The following BTBD7 variants were observed in gnomAD, a reference collection of about 807,000 sequenced individuals.
BTBD7 encodes BTB/POZ domain-containing protein 7.
A neutral mutation model predicts 99.9 loss-of-function variants in BTBD7; 38 were observed. The ratio of observed to expected loss-of-function variants is 0.38; its 90% CI spans 0.29 to 0.50. The LOEUF (loss-of-function observed/expected upper bound fraction) is 0.50. Among genes scored for constraint, BTBD7 ranks in the 20% least tolerant of loss-of-function variants. The probability of loss-of-function intolerance (pLI) is 0.93; values close to 1 mark genes in which losing one functional copy is unlikely to be tolerated. For synonymous variants in BTBD7, 520 were observed against 511.4 expected, an observed-to-expected ratio of 1.02 and a Z score of -0.23; for missense variants, 1,170 against 1,394.6, an observed-to-expected ratio of 0.84 and a Z score of 2.57.
intron 3 of BTBD7, among the ~76,000 whole-genome samples, chr14:93,290,987 GTTTTTTT>G (rs34246296): frequency 5.2e-5 from 4 of 76,776 alleles, no homozygotes; most frequent in Non-Finnish European, 7.2e-5. Flanking sequence ...GCTAGGCCTA[GTTTTTTT>G]TTTTTTTTTT....
intron 3 of BTBD7, among the ~76,000 whole-genome samples, chr14:93,266,657 G>A (rs773766911): frequency 3.1e-4 from 47 of 152,040 alleles, no homozygotes; most frequent in Non-Finnish European, 6.5e-4. Context: ...AGGCTGGCTC[G>A]TCACATTAGG....
At chr14:93,271,769 C>T (rs1434113619) in intron 3 of BTBD7, among the ~76,000 whole-genome samples, 3 of 152,102 alleles carry the variant, frequency 2.0e-5, no homozygotes, top group African/African-American at 4.8e-5. Flanking sequence ...CTTTGGGAGG[C>T]CAAGACGGGC....
At chr14:93,255,274 T>C (rs185163619) in intron 6 of BTBD7, among the ~76,000 whole-genome samples, 1 of 152,248 alleles carries the variant, frequency 6.6e-6, no homozygotes, top group Admixed American at 6.5e-5. Context: ...GTTTCTCAGG[T>C]AGCTGGGACT....
intron 3 of BTBD7, among the ~76,000 whole-genome samples, chr14:93,282,548 G>T (rs2052732964): frequency 6.6e-6 from 1 of 152,032 alleles, no homozygotes; most frequent in African/African-American, 2.4e-5. Context: ...GGGCAGGCTG[G>T]TCTTGAACTC....
chr14:93,248,350 C>G (rs971030975), intron 9 of BTBD7, 126 bp downstream of exon 9: 4 of 979,590 alleles, frequency 4.1e-6, no homozygotes, highest in Non-Finnish European at 4.5e-6. Flanking sequence ...ATCAAAGACA[C>G]CAAAGGCAGT....
chr14:93,243,910 A>T (rs1033241322), intron 10 of BTBD7: 11 of 160,834 alleles, frequency 6.8e-5, no homozygotes, highest in Admixed American at 6.5e-5. Context: ...ATCAAACATG[A>T]CCAACCTTCG....
chr14:93,293,657 G>C (rs2052884857), intron 3 of BTBD7, among the ~76,000 whole-genome samples: 1 of 152,092 alleles, frequency 6.6e-6, no homozygotes, highest in African/African-American at 2.4e-5. Flanking sequence ...CATTAGTACT[G>C]AATACTTGGT....
chr14:93,268,756 CTTT>C (rs61483726), intron 3 of BTBD7, among the ~76,000 whole-genome samples: 40 of 120,894 alleles, frequency 3.3e-4, no homozygotes, highest in African/African-American at 1.1e-3. Flanking sequence ...TAACTTAGAC[CTTT>C]TTTTTTTTTT....
chr14:93,314,710 G>T (rs551298893), intron 1 of BTBD7, among the ~76,000 whole-genome samples: 1 of 152,242 alleles, frequency 6.6e-6, no homozygotes, highest in South Asian at 2.1e-4. Flanking sequence ...GGATATACAT[G>T]TTTCTAATTT....
chr14:93,266,925 C>T (rs892329536), intron 3 of BTBD7, among the ~76,000 whole-genome samples: 4 of 152,186 alleles, frequency 2.6e-5, no homozygotes, highest in African/African-American at 9.7e-5. Flanking sequence ...TTTCAACAGT[C>T]GTCATTTTAT....
chr14:93,309,840 T>C (rs958836117), intron 1 of BTBD7, among the ~76,000 whole-genome samples: 2 of 152,150 alleles, frequency 1.3e-5, no homozygotes, highest in African/African-American at 4.8e-5. Context: ...TTCCTTCCTT[T>C]GCAGGAGATA....
chr14:93,332,738 G>GC, intron 1 of BTBD7, 82 bp downstream of exon 1: 1 of 1,417,582 alleles, frequency 7.1e-7, no homozygotes, highest in Non-Finnish European at 9.2e-7. Context: ...CCTAAGAACA[G>GC]CCCCTTCCTC....
chr14:93,257,349 T>C lies in BTBD7; in HGVS notation c.1454A>G (p.Asn485Ser), dbSNP rs2052441911. 1 of 1,600,802 alleles carries C rather than the reference T, an allele frequency of 6.2e-7. No individual in the cohort carries two copies. The highest frequency in any genetic ancestry group is 1.8e-5 in the Admixed American group (1 of 56,302). Residue 485 changes from asparagine (N) to serine (S), a missense_variant, in exon 6 of 11, where the codon AAC becomes AGC. Transcript: ENST00000334746. ...ACTATGGGCAGTGCCACTCAGTAAG[T>C]TTGGCTCTATGAGACAGAAAATGAA... Reference protein sequence around the residue: ...LMKRIADREPNLLSGTAHSVN... With the variant: ...LMKRIADREPSLLSGTAHSVN...
rs148076926 is a variant in BTBD7 at position 93,255,245 on chromosome 14, A to C, written c.1609-1455T>G. 2.0e-3 allele frequency among the ~76,000 whole-genome samples: 309 copies of C among 152,250 alleles called. 5 individuals are homozygous for C. In the East Asian group the frequency reaches 0.022, roughly 11 times the overall value. ...ACTGCAACCTCTGCCTCCTGGGTTCAAGCAATTCTCCCATCTCAGTTTCTC... is the reference window on the plus strand; with the variant it reads ...ACTGCAACCTCTGCCTCCTGGGTTCCAGCAATTCTCCCATCTCAGTTTCTC... On this transcript the variant is annotated intron_variant, in intron 6 of 10. Coordinates refer to ENST00000334746, the MANE Select transcript of BTBD7 (RefSeq NM_001002860.4).
At chr14:93,265,459 G>A (rs894749277) in intron 3 of BTBD7, among the ~76,000 whole-genome samples, 2 of 152,246 alleles carry the variant, frequency 1.3e-5, no homozygotes, top group Admixed American at 6.5e-5. Flanking sequence ...TCTCGCACAT[G>A]TGCTAAACCT....
chr14:93,310,734 T>C (rs1452441866), intron 1 of BTBD7, among the ~76,000 whole-genome samples: 1 of 151,478 alleles, frequency 6.6e-6, no homozygotes, highest in African/African-American at 2.4e-5. Context: ...ACAGTGACTC[T>C]GTTTCCAAAA....
rs895499668 is a variant in BTBD7 at position 93,238,254 on chromosome 14, A to G, written c.*4019T>C. Reference sequence around the variant, plus strand: ...GATTGACAGTCTGAGGATTTTCTAGAGGAAAAAAAAATCAAAGGACTTGCC... The same window carrying G: ...GATTGACAGTCTGAGGATTTTCTAGGGGAAAAAAAAATCAAAGGACTTGCC... On this transcript the variant is annotated 3_prime_UTR_variant, in exon 11 of 11. Transcript: ENST00000334746. 2 of 152,338 alleles carry G rather than the reference A, an allele frequency of 1.3e-5. No homozygotes were observed. The highest frequency in any genetic ancestry group is 4.8e-5 in the African/African-American group (2 of 41,400). 9.4% of individuals were successfully genotyped at this position (152,338 alleles called of 1,614,324 possible). A position where few individuals can be genotyped will look rare whatever the true frequency, so the allele number is the denominator to read the frequency against.
chr14:93,269,372 G>A (rs2052576958), intron 3 of BTBD7, among the ~76,000 whole-genome samples: 1 of 152,170 alleles, frequency 6.6e-6, no homozygotes, highest in Non-Finnish European at 1.5e-5. Flanking sequence ...CCAACAAGTG[G>A]GTGCTGAGAG....
In BTBD7 at chr14:93,243,062, C is replaced by G. The variant is rs371158109; in HGVS notation, c.2610G>C (p.Leu870=). Reference sequence around the variant, plus strand: ...ACACACCCACCGCGATGTCTGGCATCAGATCATTCAGCACAGGTTGTGTTC... The same window carrying G: ...ACACACCCACCGCGATGTCTGGCATGAGATCATTCAGCACAGGTTGTGTTC... ...QVRTQPVLND[L]MPDIAVGVST... is the part of the protein sequence containing the mutation. Residue 870 remains leucine, a synonymous_variant, in exon 11 of 11, where the codon CTG becomes CTC. Coordinates refer to ENST00000334746, the MANE Select transcript of BTBD7 (RefSeq NM_001002860.4). 2 of 1,613,942 alleles carry G rather than the reference C, an allele frequency of 1.2e-6. No individual in the cohort carries two copies. The highest frequency in any genetic ancestry group is 1.7e-6 in the Non-Finnish European group (2 of 1,179,978).
Sources: gnomAD v4.1 joint callset for allele counts (sites outside exome capture counted in the v4.1 genomes callset) on GRCh38, gnomAD v4.1.1 for gene constraint, MANE v1.5 for transcripts, NCBI Gene and HGNC (gene_info 2026-07-23, HGNC 2026-07-21) for gene names.